The following OTOGL variants were observed in gnomAD, a reference collection of about 807,000 sequenced individuals.
The protein encoded by OTOGL is otogelin like.
In OTOGL, 285 loss-of-function variants were observed where a neutral mutation model predicts 318.5. The ratio of observed to expected loss-of-function variants is 0.89; its 90% CI spans 0.81 to 0.99. OTOGL has a LOEUF of 0.99. OTOGL is among the 50% of genes least tolerant of loss of function. OTOGL has a pLI of 0.00. For missense variants in OTOGL, 2,899 were observed against 2,845.6 expected (o/e 1.02, Z -0.43); for synonymous variants, 987 against 936.5 (o/e 1.05, Z -0.99).
intron 29 of OTOGL, among the ~76,000 whole-genome samples, chr12:80,308,634 G>T (rs942673620): frequency 1.9e-4 from 29 of 152,178 alleles, no homozygotes; most frequent in Non-Finnish European, 2.4e-4. Context: ...GGTGGAGGTT[G>T]TAGCGAGCCG....
At chr12:80,108,856 A>ATG (rs1472027236) in intron 1 of OTOGL, among the ~76,000 whole-genome samples, 2 of 139,776 alleles carry the variant, frequency 1.4e-5, no homozygotes, top group East Asian at 2.1e-4. Flanking sequence ...GTGTATATAT[A>ATG]TGTGTATATA....
chr12:80,339,298 G>GTTTTTTTTTTTTTCTTT, intron 43 of OTOGL, 34 bp downstream of exon 43: 1 of 535,102 alleles, frequency 1.9e-6, no homozygotes, highest in East Asian at 7.1e-5. Context: ...GATTTCGTCT[G>GTTTTTTTTTTTTTCTTT]TTTTTTTTTT....
At chr12:80,223,296 A>G (rs1210445139) in intron 7 of OTOGL, among the ~76,000 whole-genome samples, 1 of 151,592 alleles carries the variant, frequency 6.6e-6, no homozygotes, top group Non-Finnish European at 1.5e-5. Flanking sequence ...GCATATATGT[A>G]TATATATCAT....
chr12:80,181,388 C>G (rs1001424547), intron 1 of OTOGL, among the ~76,000 whole-genome samples: 2 of 151,754 alleles, frequency 1.3e-5, no homozygotes, highest in South Asian at 4.2e-4. Context: ...TGGCCCACCC[C>G]CTTTGGTGGT....
chr12:80,255,736 T>A (rs754171056), intron 16 of OTOGL, among the ~76,000 whole-genome samples: 1 of 151,910 alleles, frequency 6.6e-6, no homozygotes, highest in African/African-American at 2.4e-5. Flanking sequence ...GAAATCTAGG[T>A]CTTTCATTCA....
At chr12:80,289,734 ACGCCCCTCCC>A (rs938209139) in intron 26 of OTOGL, among the ~76,000 whole-genome samples, 4 of 152,078 alleles carry the variant, frequency 2.6e-5, no homozygotes, top group African/African-American at 9.7e-5. Flanking sequence ...GTAATGGCGG[ACGCCCCTCCC>A]CCAACCAAGG....
At chr12:80,254,336 A>G (rs1881829530) in intron 14 of OTOGL, among the ~76,000 whole-genome samples, 188 bp from the exon 15 acceptor site, 1 of 149,604 alleles carries the variant, frequency 6.7e-6, no homozygotes, top group Admixed American at 6.8e-5. Context: ...ACTTATGCAG[A>G]GATGATTTTT....
At chr12:80,188,526 A>G (rs1407157987) in intron 1 of OTOGL, among the ~76,000 whole-genome samples, 2 of 150,478 alleles carry the variant, frequency 1.3e-5, no homozygotes, top group East Asian at 3.9e-4. Flanking sequence ...CGACAGAGTG[A>G]GACTCTGTCT....
rs148725488 is a variant in OTOGL, at chr12:80,302,176, A to C, written c.3064-458A>C. ...TGATTCTGATTTTCAAGACATATTT[A>C]ATGAAGTCAGTAGACTATTTCCATG... On this transcript the variant is annotated intron_variant, in intron 27 of 58. Transcript: ENST00000547103. Among the ~76,000 whole-genome samples the C allele has an allele frequency of 5.6e-4, 85 of 152,348 alleles. 1 individual carries two copies. In the East Asian group the frequency reaches 0.016, roughly 29 times the overall value.
intron 1 of OTOGL, among the ~76,000 whole-genome samples, chr12:80,194,938 T>C (rs889835603): frequency 6.6e-6 from 1 of 152,106 alleles, no homozygotes; most frequent in African/African-American, 2.4e-5. Context: ...CCTTTCAAAT[T>C]CCTTCTCAAA....
intron 24 of OTOGL, 125 bp downstream of exon 24, chr12:80,271,935 C>T: frequency 9.3e-7 from 1 of 1,075,348 alleles, no homozygotes; most frequent in Non-Finnish European, 1.3e-6. Context: ...GGGTTGGTAG[C>T]TAGAAGACTA....
chr12:80,230,098 T>C lies in OTOGL; in HGVS notation c.611+720T>C, dbSNP rs190681149. On this transcript the variant is annotated intron_variant, in intron 8 of 58. Coordinates refer to ENST00000547103, the MANE Select transcript of OTOGL (RefSeq NM_001378609.3). ...TTTTTATTATTTCCTGGCTGGATTA[T>C]GCCAGAACAAGTAAATTGTGGGCTG... Among the ~76,000 whole-genome samples, 134 of 152,322 alleles carry C rather than the reference T, an allele frequency of 8.8e-4. 2 individuals carry two copies. In the East Asian group the frequency reaches 0.022, roughly 25 times the overall value.
intron 30 of OTOGL, among the ~76,000 whole-genome samples, chr12:80,312,691 T>C (rs1886712022): frequency 6.6e-6 from 1 of 152,218 alleles, no homozygotes; most frequent in African/African-American, 2.4e-5. Flanking sequence ...TTGTGTCAAG[T>C]CTGGAGTCCT....
chr12:80,114,576 T>C (rs749549269), intron 1 of OTOGL, among the ~76,000 whole-genome samples: 16 of 152,166 alleles, frequency 1.1e-4, no homozygotes, highest in Admixed American at 8.5e-4. Flanking sequence ...TTGGTGAATC[T>C]GACAATTATG....
intron 1 of OTOGL, among the ~76,000 whole-genome samples, chr12:80,182,406 A>G (rs781357680): frequency 6.6e-6 from 1 of 152,322 alleles, no homozygotes; most frequent in East Asian, 1.9e-4. Flanking sequence ...CCTTTAAAAT[A>G]TCTATACCAA....
intron 1 of OTOGL, among the ~76,000 whole-genome samples, chr12:80,186,107 C>CT (rs1875271504): frequency 6.6e-6 from 1 of 152,168 alleles, no homozygotes; most frequent in Admixed American, 6.5e-5. Context: ...TCTTTTACCC[C>CT]TTATATCTTG....
At position 80,153,348 on chromosome 12, in the gene OTOGL, C is replaced by T. The variant is rs1872908952; in HGVS notation, c.-20+53743C>T. On this transcript the variant is annotated intron_variant, in intron 1 of 58. Coordinates refer to ENST00000547103, the MANE Select transcript of OTOGL (RefSeq NM_001378609.3). ...GCATTAATCCCATCCACAAGGGTTC[C>T]AGCCTCATGACCTAATCACCCCCTC... Among the ~76,000 whole-genome samples, 6 of 152,100 alleles carry T rather than the reference C, an allele frequency of 3.9e-5. No homozygotes were observed. The South Asian group carries it at 1.2e-3, about 32-fold the overall frequency.
Position 80,355,217 on chromosome 12 carries a change from T to TTTC in OTOGL, c.5594-516_5594-514dup, listed in dbSNP as rs1340189380. ...TTCTTTTACTTTTTTCTTTTCTTTC[T>TTTC]TTCTTTCTTTTCTTTTTTTTTTTTT... On this transcript the variant is annotated intron_variant, in intron 46 of 58. Coordinates refer to ENST00000547103, the MANE Select transcript of OTOGL (RefSeq NM_001378609.3). 1.4e-4 allele frequency among the ~76,000 whole-genome samples: 12 copies of TTTC among 87,082 alleles called. 1 individual carries two copies. The allele number at this position is 87,082 out of a possible 152,430, so 57.1% of individuals were successfully genotyped here. A position where few individuals can be genotyped will look rare whatever the true frequency, so the allele number is the denominator to read the frequency against.
chr12:80,203,348 T>A (rs1000927867), intron 1 of OTOGL, among the ~76,000 whole-genome samples: 1 of 152,050 alleles, frequency 6.6e-6, no homozygotes, highest in African/African-American at 2.4e-5. Context: ...TTTTCACTTA[T>A]AAGGACCCTT....
Sources: gnomAD v4.1 joint callset for allele counts (sites outside exome capture counted in the v4.1 genomes callset) on GRCh38, gnomAD v4.1.1 for gene constraint, MANE v1.5 for transcripts, NCBI Gene and HGNC (gene_info 2026-07-23, HGNC 2026-07-21) for gene names.